EWSR1: variants seen among roughly 807,000 people sequenced by gnomAD.
EWSR1 encodes RNA-binding protein EWS.
Under a neutral mutation model 92.1 loss-of-function variants are expected in EWSR1, and 14 were observed. The ratio of observed to expected loss-of-function variants is 0.15; its 90% CI spans 0.10 to 0.24. EWSR1 has a LOEUF of 0.24. Among genes scored for constraint, EWSR1 ranks in the 10% least tolerant of loss-of-function variants. The pLI, the probability that EWSR1 is intolerant of heterozygous loss-of-function variation, is 1.00. For missense variants in EWSR1, 637 were observed against 870.9 expected (o/e 0.73, Z 3.38); for synonymous variants, 303 against 292.9 (o/e 1.03, Z -0.35).
At chr22:29,299,431 CTTTGAGTTGTCGTGTCCTCATT>C (rs1972765662) in intron 15 of EWSR1, 100 bp downstream of exon 15, 1 of 1,517,528 alleles carries the variant, frequency 6.6e-7, no homozygotes, top group Non-Finnish European at 8.8e-7. Context: ...TGCTTAACAA[CTTTGAGTTGTCGTGTCCTCATT>C]TCTAAATTGT....
intron 11 of EWSR1, among the ~76,000 whole-genome samples, chr22:29,293,241 C>T (rs909461934): frequency 1.3e-5 from 2 of 151,984 alleles, no homozygotes; most frequent in African/African-American, 4.8e-5. Context: ...CTCCTGGCCA[C>T]CTCAAGTGGC....
intron 8 of EWSR1, 25 bp from the exon 9 acceptor site, chr22:29,291,537 T>C (rs1205265595): frequency 6.2e-7 from 1 of 1,610,792 alleles, no homozygotes; most frequent in Admixed American, 1.7e-5. Context: ...GGGAAAGGCC[T>C]TCATTTCTTC....
intron 1 of EWSR1, 28 bp from the exon 2 acceptor site, chr22:29,272,188 A>G (rs1353979809): frequency 1.2e-6 from 2 of 1,608,736 alleles, no homozygotes; most frequent in Admixed American, 1.7e-5. Flanking sequence ...CTAACTTTAC[A>G]CTATTTTTCC....
intron 6 of EWSR1, among the ~76,000 whole-genome samples, chr22:29,286,580 G>A (rs556491480): frequency 1.3e-5 from 2 of 151,032 alleles, no homozygotes; most frequent in East Asian, 2.0e-4. Context: ...CCAGCTACTC[G>A]GGAGGCTGCG....
chr22:29,278,361 G>C (rs1243928815), intron 5 of EWSR1, 145 bp downstream of exon 5: 2 of 785,698 alleles, frequency 2.5e-6, no homozygotes, highest in South Asian at 1.9e-5. Flanking sequence ...TAACTGATGT[G>C]CTAGAACATA....
At chr22:29,279,532 T>C (rs2059399381) in intron 5 of EWSR1, among the ~76,000 whole-genome samples, 1 of 152,240 alleles carries the variant, frequency 6.6e-6, no homozygotes, top group South Asian at 2.1e-4. Context: ...GTATAATTAT[T>C]ACTTAACAAA....
intron 6 of EWSR1, 131 bp downstream of exon 6, chr22:29,282,688 T>C: frequency 1.5e-6 from 1 of 649,394 alleles, no homozygotes; most frequent in Non-Finnish European, 2.4e-6. Context: ...CATCTGACCA[T>C]ACTTGGTTAC....
chr22:29,292,952 G>T (rs150165375), intron 11 of EWSR1, among the ~76,000 whole-genome samples: 1,842 of 151,926 alleles, frequency 0.012, 13 homozygotes, highest in South Asian at 0.036. Context: ...GTTTCACCGT[G>T]TTGGGCAGGC....
rs770783574 is a variant in EWSR1 at position 29,268,378 on chromosome 22, GGCGGTA to G, written c.13+32_13+37del. 5.6e-6 allele frequency: 9 copies of G among 1,613,814 alleles called. No individual in the cohort carries two copies. In the East Asian group the frequency reaches 1.8e-4, roughly 32 times the overall value. On this transcript the variant is annotated intron_variant, in intron 1 of 16. Coordinates refer to ENST00000397938, the MANE Select transcript of EWSR1 (RefSeq NM_005243.4). ...AGTATGGTGGAACTGCGGTCGCGCC[GGCGGTA>G]GCCGGAACGCCCAAACTGGGGGTCG...
chr22:29,286,132 C>T (rs1192962778), intron 6 of EWSR1, among the ~76,000 whole-genome samples: 2 of 149,910 alleles, frequency 1.3e-5, no homozygotes, highest in African/African-American at 4.9e-5. Flanking sequence ...AGCCACCGCA[C>T]CCGGCCTGAT....
intron 4 of EWSR1, among the ~76,000 whole-genome samples, chr22:29,275,277 T>G (rs904030273): frequency 1.3e-5 from 2 of 152,224 alleles, no homozygotes; most frequent in Non-Finnish European, 2.9e-5. Context: ...GGCCTAGATC[T>G]AGCCTTCCGA....
intron 1 of EWSR1, among the ~76,000 whole-genome samples, chr22:29,268,847 G>C (rs562834980): frequency 6.6e-6 from 1 of 152,362 alleles, no homozygotes; most frequent in African/African-American, 2.4e-5. Context: ...GGGCCGAGGG[G>C]TGCCGGCCTA....
At position 29,281,576 on chromosome 22, in the gene EWSR1, A is replaced by AT. The variant is rs2059605195; in HGVS notation, c.414-806dup. On this transcript the variant is annotated intron_variant, in intron 5 of 16. Transcript: ENST00000397938. The stretch of plus-strand genomic sequence containing the variant: ...TGCCTCAGCCTCCCAAAGTGCTGGG[A>AT]TTTTTTTTGTTTGTTTGTTTTTGAG... Among the ~76,000 whole-genome samples the AT allele has an allele frequency of 2.0e-5, 3 of 151,846 alleles. No homozygotes were observed. In the South Asian group the frequency reaches 6.3e-4, roughly 32 times the overall value.
chr22:29,275,882 TAGTA>T (rs1349647927), intron 4 of EWSR1: 2 of 232,062 alleles, frequency 8.6e-6, no homozygotes, highest in Non-Finnish European at 1.7e-5. Context: ...TGTCAGCACA[TAGTA>T]GGTGTGTTTT....
At position 29,287,077 on chromosome 22, in the gene EWSR1, T is replaced by A; in HGVS notation, c.736T>A (p.Ser246Thr). Residue 246 changes from serine to threonine, a missense_variant, in exon 7 of 17, where the codon TCC (serine) becomes ACC (threonine). Coordinates refer to ENST00000397938, the MANE Select transcript of EWSR1 (RefSeq NM_005243.4). ...PPTSYPPQTG[S>T]YSQAPSQYSQ... ...CACTAGTTACCCACCCCAAACTGGA[T>A]CCTACAGCCAAGCTCCAAGTCAATA... The A allele has an allele frequency of 6.2e-7, 1 of 1,613,982 alleles. No homozygotes were observed. The highest frequency in any genetic ancestry group is 8.5e-7 in the Non-Finnish European group (1 of 1,179,926).
rs367798893 is a variant in EWSR1 at position 29,286,873 on chromosome 22, A to C, written c.582-50A>C. 2.9e-4 allele frequency: 414 copies of C among 1,432,030 alleles called. 2 individuals are homozygous for C. The highest frequency in any genetic ancestry group is 3.7e-4 in the Non-Finnish European group (381 of 1,022,866). 88.7% of individuals were successfully genotyped at this position (1,432,030 alleles called of 1,614,324 possible). A position where few individuals can be genotyped will look rare whatever the true frequency, so the allele number is the denominator to read the frequency against. ...TTTTATTCAGGGGATTTGAAATAAC[A>C]AGCCTCTTTCTAAAAAAGCTTTTTT... On this transcript the variant is annotated intron_variant, in intron 6 of 16. Coordinates refer to ENST00000397938, the MANE Select transcript of EWSR1 (RefSeq NM_005243.4).
rs71196650 is a variant in EWSR1 at position 29,280,862 on chromosome 22, G to GTTTTTTTTTTTTTTTTTT, written c.414-1508_414-1491dup. ...CTAATTTTGTGTGTGTGTGTGTGTT[G>GTTTTTTTTTTTTTTTTTT]TTTTTTTTTTTTTTTTTTTTTTTTT... On this transcript the variant is annotated intron_variant, in intron 5 of 16. Transcript: ENST00000397938. 4.8e-5 allele frequency among the ~76,000 whole-genome samples: 3 copies of GTTTTTTTTTTTTTTTTTT among 62,870 alleles called. 1 individual carries two copies. The highest frequency in any genetic ancestry group is 3.1e-5 in the Non-Finnish European group (1 of 32,246). The allele number at this position is 62,870 out of a possible 152,430, so 41.2% of individuals were successfully genotyped here. A position where few individuals can be genotyped will look rare whatever the true frequency, so the allele number is the denominator to read the frequency against.
In EWSR1 at chr22:29,291,548, G is replaced by A. The variant is rs764368632; in HGVS notation, c.975-14G>A. ...TAAAGGGAAAGGCCTTCATTTCTTCGTTTATCCCCCCAGCAGCGCTGGAGA... is the reference window on the plus strand; with the variant it reads ...TAAAGGGAAAGGCCTTCATTTCTTCATTTATCCCCCCAGCAGCGCTGGAGA... On this transcript the variant is annotated splice_polypyrimidine_tract_variant and intron_variant, in intron 8 of 16. Transcript: ENST00000397938. The A allele has an allele frequency of 3.1e-6, 5 of 1,611,744 alleles. No individual in the cohort carries two copies. The highest frequency in any genetic ancestry group is 2.2e-5 in the East Asian group (1 of 44,840).
chr22:29,273,615 T>G (rs186735845), intron 3 of EWSR1, 126 bp from the exon 4 acceptor site: 1 of 1,062,440 alleles, frequency 9.4e-7, no homozygotes, highest in East Asian at 2.6e-5. Flanking sequence ...TTGTTGTTTT[T>G]GTTTTGTTTT....
Sources: allele counts gnomAD v4.1 joint callset (sites outside exome capture counted in the v4.1 genomes callset), GRCh38; gene constraint gnomAD v4.1.1; transcripts MANE v1.5; gene names NCBI Gene and HGNC (gene_info 2026-07-23, HGNC 2026-07-21).